Variants in KRT18 observed in about 807,000 individuals in gnomAD.
KRT18 encodes keratin 18, also known as keratin, type I cytoskeletal 18.
A neutral mutation model predicts 39.9 loss-of-function variants in KRT18; 8 were observed. The observed-to-expected ratio is 0.20, with a 90% CI of 0.12 to 0.36. The LOEUF is 0.36. Among genes scored for constraint, KRT18 ranks in the 10% least tolerant of loss-of-function variants. The probability of loss-of-function intolerance (pLI) is 1.00; values close to 1 mark genes in which losing one functional copy is unlikely to be tolerated. For synonymous variants in KRT18, 194 were observed against 227.8 expected (o/e 0.85, Z 1.33); for missense variants, 396 against 565.7 (o/e 0.70, Z 3.04).
At position 52,950,746 on chromosome 12, in the gene KRT18, A is replaced by G. The variant is rs748412999; in HGVS notation, c.501-4A>G. 1.2e-6 allele frequency: 2 copies of G among 1,609,692 alleles called. No homozygotes were observed. The highest frequency in any genetic ancestry group is 8.5e-7 in the Non-Finnish European group (1 of 1,178,884). ...GGCCCCTCTGATCACCTCCACTCCT[A>G]TAGGTATGAGACAGAGCTGGCCATG... is the stretch of plus-strand genomic sequence containing the variant. On this transcript the variant is annotated splice_region_variant and splice_polypyrimidine_tract_variant and intron_variant, in intron 2 of 6. Transcript: ENST00000388835.
Position 52,952,749 on chromosome 12 carries a change from C to T in KRT18, c.1200C>T (p.Asn400=). 9 of 1,613,102 alleles carry T rather than the reference C, an allele frequency of 5.6e-6. No homozygotes were observed. Among genetic ancestry groups the T allele is most frequent in the Non-Finnish European group, 6.8e-6 (8 of 1,179,944 alleles). Residue 400 remains asparagine (N), a synonymous_variant, in exon 7 of 7, where the codon AAC becomes AAT. Coordinates refer to ENST00000388835, the MANE Select transcript of KRT18 (RefSeq NM_000224.3). ...TTGGTGATGCCTTGGACAGCAGCAA[C>T]TCCATGCAAACCATCCAAAAGACCA... The part of the protein sequence containing the change: ...FNLGDALDSS[N]SMQTIQKTTT...
In KRT18 at chr12:52,951,648, G is replaced by C. The variant is rs1398773847; in HGVS notation, c.822+3G>C. On this transcript the variant is annotated splice_donor_region_variant and intron_variant, in intron 4 of 6. Coordinates refer to ENST00000388835, the MANE Select transcript of KRT18 (RefSeq NM_000224.3). ...TAGACAAGTACTGGTCTCAGCAGGT[G>C]CGTGAGGGGAGGGGATGGCTGCCAA... The C allele has an allele frequency of 1.2e-6, 2 of 1,613,670 alleles. No individual in the cohort carries two copies. Among genetic ancestry groups the C allele is most frequent in the Admixed American group, 1.7e-5 (1 of 60,014 alleles).
chr12:52,951,995 C>T (rs1054679485), intron 5 of KRT18, 124 bp from the exon 6 acceptor site: 53 of 1,317,018 alleles, frequency 4.0e-5, no homozygotes, highest in Non-Finnish European at 5.8e-5. Context: ...CATTTCCCTC[C>T]ACTCCTATCC....
At chr12:52,952,610 A>C in intron 6 of KRT18, 112 bp from the exon 7 acceptor site, 1 of 1,173,632 alleles carries the variant, frequency 8.5e-7, no homozygotes, top group Non-Finnish European at 1.2e-6. Flanking sequence ...GAAGAGGCTG[A>C]GGGTGATTTG....
At position 52,951,934 on chromosome 12, in the gene KRT18, T is replaced by G. The variant is rs1459837597; in HGVS notation, c.948+78T>G. On this transcript the variant is annotated intron_variant, in intron 5 of 6. Transcript: ENST00000388835. ...CAACCCTGTCTCAACCCAAATCCTA[T>G]CCCTCATATCATGAGTTCCTTTAGC... The G allele has an allele frequency of 1.0e-5, 16 of 1,551,802 alleles. No homozygotes were observed. The African/African-American group carries it at 2.0e-4, about 20-fold the overall frequency.
Position 52,949,494 on chromosome 12 carries a change from G to C in KRT18, c.321G>C (p.Arg107Ser). 1 of 1,613,554 alleles carries C rather than the reference G, an allele frequency of 6.2e-7. No individual in the cohort carries two copies. The highest frequency in any genetic ancestry group is 8.5e-7 in the Non-Finnish European group (1 of 1,180,016). The change falls in exon 1 of 7, where the codon AGG becomes AGC. Residue 107 changes from arginine (R) to serine (S), a missense_variant. Arg to Ser is a moderately radical substitution (Grantham distance 110). Coordinates refer to ENST00000388835, the MANE Select transcript of KRT18 (RefSeq NM_000224.3). Reference sequence around the variant, plus strand: ...GGAGCCTGGAGACCGAGAACCGGAGGCTGGAGAGCAAAATCCGGGAGCACT... The same window carrying C: ...GGAGCCTGGAGACCGAGAACCGGAGCCTGGAGAGCAAAATCCGGGAGCACT... ...RVRSLETENRRLESKIREHLE... is the reference protein window; with the variant it reads ...RVRSLETENRSLESKIREHLE...
chr12:52,952,378 C>A, intron 6 of KRT18, 36 bp downstream of exon 6: 2 of 1,365,852 alleles, frequency 1.5e-6, no homozygotes, highest in African/African-American at 1.4e-5. Context: ...GTGCTGGGAT[C>A]AGGAGATCAC....
intron 1 of KRT18, chr12:52,949,949 G>T (rs905219500): frequency 6.4e-6 from 4 of 620,920 alleles, no homozygotes; most frequent in Non-Finnish European, 1.1e-5. Context: ...TCATCTAGGA[G>T]TAAACAAGAG....
At chr12:52,950,957 T>C (rs1250822273) in intron 3 of KRT18, 51 bp downstream of exon 3, 1 of 1,526,252 alleles carries the variant, frequency 6.6e-7, no homozygotes, top group African/African-American at 1.4e-5. Context: ...AAGAGAAGTC[T>C]GGGTCGGAGA....
Position 52,949,381 on chromosome 12 carries a change from G to C in KRT18, c.208G>C (p.Gly70Arg). 6.2e-7 allele frequency: 1 copy of C among 1,610,950 alleles called. No homozygotes were observed. The highest frequency in any genetic ancestry group is 8.5e-7 in the Non-Finnish European group (1 of 1,179,910). ...GGGCCTGGCCACCGGGATAGCCGGG[G>C]GTCTGGCAGGAATGGGAGGCATCCA... ...SGGLATGIAGGLAGMGGIQNE... is the reference protein window; with the variant it reads ...SGGLATGIAGRLAGMGGIQNE... The change falls in exon 1 of 7, where the codon GGT becomes CGT. Residue 70 changes from glycine to arginine, a missense_variant. Physicochemically the swap from Gly to Arg is moderately radical, Grantham distance 125. Coordinates refer to ENST00000388835, the MANE Select transcript of KRT18 (RefSeq NM_000224.3).
In KRT18 at chr12:52,949,249, G is replaced by T; in HGVS notation, c.76G>T (p.Ala26Ser). The change falls in exon 1 of 7, where the codon GCC becomes TCC. Residue 26 changes from alanine (A) to serine (S), a missense_variant. By Grantham distance (99) the Ala-to-Ser change is moderately conservative (BLOSUM62 1). Coordinates refer to ENST00000388835, the MANE Select transcript of KRT18 (RefSeq NM_000224.3). ...CTCTGTCCAGGCGCCCAGCTACGGCGCCCGGCCGGTCAGCAGCGCGGCCAG... is the reference window on the plus strand; with the variant it reads ...CTCTGTCCAGGCGCCCAGCTACGGCTCCCGGCCGGTCAGCAGCGCGGCCAG... ...LGSVQAPSYG[A>S]RPVSSAASVY... 2.1e-6 allele frequency: 3 copies of T among 1,445,428 alleles called. No individual in the cohort carries two copies. The highest frequency in any genetic ancestry group is 1.9e-5 in the African/African-American group (1 of 53,654). The allele number at this position is 1,445,428 out of a possible 1,614,324, so 89.5% of individuals were successfully genotyped here.
upstream of KRT18, chr12:52,949,054 G>A: frequency 1.0e-6 from 1 of 964,374 alleles, no homozygotes. Flanking sequence ...GGCTTCCGAA[G>A]CGGCTCCGGG....
rs1592194816 is a variant in KRT18 at position 52,951,515 on chromosome 12, C to G, written c.692C>G (p.Ser231Cys). 2 of 1,614,002 alleles carry G rather than the reference C, an allele frequency of 1.2e-6. No individual in the cohort carries two copies. The highest frequency in any genetic ancestry group is 1.3e-5 in the African/African-American group (1 of 74,938). The change falls in exon 4 of 7, where the codon TCT becomes TGT. Residue 231 changes from serine to cysteine, a missense_variant. By Grantham distance (112) the Ser-to-Cys change is moderately radical (BLOSUM62 -1). Coordinates refer to ENST00000388835, the MANE Select transcript of KRT18 (RefSeq NM_000224.3). ...GGCCTACAAGCCCAGATTGCCAGCT[C>G]TGGGTTGACCGTGGAGGTAGATGCC... is the stretch of plus-strand genomic sequence containing the variant. ...VKGLQAQIASSGLTVEVDAPK... is the reference protein window; with the variant it reads ...VKGLQAQIASCGLTVEVDAPK...
chr12:52,948,883 G>A (rs1391470488), upstream of KRT18: 1 of 424,724 alleles, frequency 2.4e-6, no homozygotes, highest in Non-Finnish European at 4.1e-6. Context: ...AGCCTCGAGG[G>A]CCAACAACAC....
chr12:52,952,313 C>T lies in KRT18; in HGVS notation c.1143C>T (p.Arg381=), dbSNP rs1306066469. ...VKLEAEIATY[R]RLLEDGEDFN... ...TGGAGGCTGAGATCGCCACCTACCG[C>T]CGCCTGCTGGAAGATGGCGAGGACT... Residue 381 remains arginine (R), a synonymous_variant, in exon 6 of 7, where the codon CGC becomes CGT. Coordinates refer to ENST00000388835, the MANE Select transcript of KRT18 (RefSeq NM_000224.3). 6.2e-7 allele frequency: 1 copy of T among 1,606,606 alleles called. No homozygotes were observed.
intron 5 of KRT18, 96 bp from the exon 6 acceptor site, chr12:52,952,023 C>T: frequency 7.7e-7 from 1 of 1,300,580 alleles, no homozygotes. Flanking sequence ...CAGTACTTGG[C>T]ACATAGCAGG....
At chr12:52,949,092 T>C, upstream of KRT18, 3 of 1,357,654 alleles carry the variant, frequency 2.2e-6, no homozygotes, top group Non-Finnish European at 3.2e-6. Flanking sequence ...CTCTGCGATA[T>C]AACTCGGGTC....
At position 52,949,150 on chromosome 12, in the gene KRT18, G is replaced by A. The variant is rs762618085; in HGVS notation, c.-24G>A. On this transcript the variant is annotated 5_prime_UTR_variant, in exon 1 of 7. Coordinates refer to ENST00000388835, the MANE Select transcript of KRT18 (RefSeq NM_000224.3). ...CCGTCGTCCGCAAAGCCTGAGTCCT[G>A]TCCTTTCTCTCTCCCCGGACAGCAT... is the stretch of plus-strand genomic sequence containing the variant. 3.8e-6 allele frequency: 6 copies of A among 1,581,482 alleles called. No individual in the cohort carries two copies. The African/African-American group carries it at 8.1e-5, about 21-fold the overall frequency.
Position 52,951,727 on chromosome 12 carries a change from G to A in KRT18, c.823-4G>A, listed in dbSNP as rs1463233080. On this transcript the variant is annotated splice_polypyrimidine_tract_variant and splice_region_variant and intron_variant, in intron 4 of 6. Coordinates refer to ENST00000388835, the MANE Select transcript of KRT18 (RefSeq NM_000224.3). The stretch of plus-strand genomic sequence containing the variant: ...GGGCCTGATGGACTGTCCCCATCCT[G>A]CAGATTGAGGAGAGCACCACAGTGG... The A allele has an allele frequency of 3.7e-6, 6 of 1,613,304 alleles. No individual in the cohort carries two copies. The highest frequency in any genetic ancestry group is 1.1e-5 in the South Asian group (1 of 91,056).
Sources: allele counts gnomAD v4.1 joint callset, GRCh38; gene constraint gnomAD v4.1.1; transcripts MANE v1.5; gene names NCBI Gene and HGNC (gene_info 2026-07-23, HGNC 2026-07-21).